NPAS3: variants seen among roughly 807,000 people sequenced by gnomAD.
NPAS3 encodes the protein neuronal PAS domain protein 3.
Under a neutral mutation model 73.1 loss-of-function variants are expected in NPAS3, and 14 were observed. The observed-to-expected ratio is 0.19, with a 90% CI of 0.13 to 0.30. The LOEUF (loss-of-function observed/expected upper bound fraction) is 0.30. Ranked by LOEUF, NPAS3 falls within the 10% of genes least tolerant of loss-of-function variation. The pLI, the probability that NPAS3 is intolerant of heterozygous loss-of-function variation, is 1.00. For synonymous variants in NPAS3, 620 were observed against 541.5 expected (o/e 1.14, Z -2.01); for missense variants, 1,096 against 1,250.0 (o/e 0.88, Z 1.86).
intron 2 of NPAS3, among the ~76,000 whole-genome samples, chr14:33,099,964 A>G (rs932460067): frequency 6.6e-6 from 1 of 152,306 alleles, no homozygotes; most frequent in East Asian, 1.9e-4. Context: ...TAAGTTTTCC[A>G]TTATTTTGTT....
At chr14:33,336,392 A>G (rs74042050) in intron 3 of NPAS3, among the ~76,000 whole-genome samples, 1,835 of 152,300 alleles carry the variant, frequency 0.012, 36 homozygotes, top group African/African-American at 0.042. Flanking sequence ...TTTGTAGGAC[A>G]GAAGTCTCCA....
At chr14:32,936,483 CT>C (rs781078855), upstream of NPAS3, among the ~76,000 whole-genome samples, 3 of 152,018 alleles carry the variant, frequency 2.0e-5, no homozygotes, top group Non-Finnish European at 2.9e-5. Context: ...TAGATTTTTC[CT>C]TTTCATGGTT....
intron 4 of NPAS3, among the ~76,000 whole-genome samples, chr14:33,469,409 A>G (rs532542046): frequency 6.6e-6 from 1 of 152,310 alleles, no homozygotes; most frequent in Non-Finnish European, 1.5e-5. Flanking sequence ...TGAGGCAGGT[A>G]TAATTATATC....
chr14:33,037,666 G>A (rs530822188), intron 1 of NPAS3, among the ~76,000 whole-genome samples: 24 of 151,722 alleles, frequency 1.6e-4, no homozygotes, highest in African/African-American at 3.4e-4. Context: ...ACCCTGTCTC[G>A]AAAAAGAAGA....
At chr14:33,355,818 G>T (rs1290135606) in intron 3 of NPAS3, among the ~76,000 whole-genome samples, 1 of 152,088 alleles carries the variant, frequency 6.6e-6, no homozygotes, top group African/African-American at 2.4e-5. Context: ...ATCTTCCATG[G>T]AATACAGAAA....
At chr14:33,165,913 C>T (rs540727016) in intron 2 of NPAS3, among the ~76,000 whole-genome samples, 1 of 152,224 alleles carries the variant, frequency 6.6e-6, no homozygotes, top group African/African-American at 2.4e-5. Flanking sequence ...TTTGTGTCCC[C>T]CCATCCCCAA....
At chr14:33,126,021 G>A (rs747647545) in intron 2 of NPAS3, among the ~76,000 whole-genome samples, 5 of 152,114 alleles carry the variant, frequency 3.3e-5, no homozygotes, top group Non-Finnish European at 5.9e-5. Flanking sequence ...AAGAAGAGCC[G>A]CCATTTAGCC....
rs890885252 is a variant in NPAS3, at chr14:33,373,540, TATA to T, written c.468+6277_468+6279del. Among the ~76,000 whole-genome samples, 28 of 152,268 alleles carry T rather than the reference TATA, an allele frequency of 1.8e-4. 1 individual carries two copies. Among genetic ancestry groups the T allele is most frequent in the African/African-American group, 6.3e-4 (26 of 41,542 alleles). On this transcript the variant is annotated intron_variant, in intron 4 of 11. Transcript: ENST00000356141. ...AAGTAAGTTTTGTGAGTTGGATAAG[TATA>T]ATAAGTACCAACATGTTTGTACATA... is the stretch of plus-strand genomic sequence containing the variant.
chr14:33,211,651 T>C (rs868222008), intron 2 of NPAS3, among the ~76,000 whole-genome samples: 17 of 152,202 alleles, frequency 1.1e-4, no homozygotes, highest in African/African-American at 3.6e-4. Context: ...CTCCTATCTA[T>C]CTATCTATAT....
Position 33,734,550 on chromosome 14 carries a change from T to C in NPAS3, c.734-664T>C, listed in dbSNP as rs113285182. Among the ~76,000 whole-genome samples, 644 of 152,272 alleles carry C rather than the reference T, an allele frequency of 4.2e-3. 5 individuals carry two copies. The highest frequency in any genetic ancestry group is 0.015 in the African/African-American group (621 of 41,562). The stretch of plus-strand genomic sequence containing the variant: ...AGGTGGAAAAACAGACTGTTTCCTG[T>C]TTGGAGGGTTGGGGTTGAAAGCTGC... On this transcript the variant is annotated intron_variant, in intron 6 of 11. Transcript: ENST00000356141.
intron 2 of NPAS3, among the ~76,000 whole-genome samples, chr14:33,173,407 AG>A (rs2045468039): frequency 6.6e-6 from 1 of 152,220 alleles, no homozygotes; most frequent in African/African-American, 2.4e-5. Context: ...TCAATGGTAT[AG>A]GAACTGTCCT....
chr14:33,341,891 A>C (rs1031905856), intron 3 of NPAS3, among the ~76,000 whole-genome samples: 2 of 152,226 alleles, frequency 1.3e-5, no homozygotes, highest in African/African-American at 4.8e-5. Context: ...AATCATTCTA[A>C]GTAAGGTTCT....
intron 6 of NPAS3, among the ~76,000 whole-genome samples, chr14:33,714,294 T>A (rs1417530926): frequency 3.6e-5 from 5 of 139,080 alleles, no homozygotes; most frequent in Admixed American, 1.7e-4. Context: ...GTAAGCTCTA[T>A]TAGGGAGACA....
In NPAS3 at chr14:33,501,886, G is replaced by A. The variant is rs147511725; in HGVS notation, c.469-58235G>A. Among the ~76,000 whole-genome samples, 15 of 151,974 alleles carry A rather than the reference G, an allele frequency of 9.9e-5. No individual in the cohort carries two copies. The East Asian group carries it at 2.9e-3, about 30-fold the overall frequency. ...ACAAAACAAAGAGATAACTGCGTTG[G>A]GAACTTTCTCTGGAGCACATTTATA... On this transcript the variant is annotated intron_variant, in intron 4 of 11. Coordinates refer to ENST00000356141, the Ensembl canonical transcript of NPAS3.
intron 1 of NPAS3, among the ~76,000 whole-genome samples, chr14:33,031,242 T>C (rs1169530398): frequency 6.6e-6 from 1 of 152,234 alleles, no homozygotes; most frequent in Non-Finnish European, 1.5e-5. Flanking sequence ...TCATGTTCTG[T>C]CACTAAACAT....
chr14:33,554,578 C>T (rs555616111), intron 4 of NPAS3, among the ~76,000 whole-genome samples: 1 of 152,282 alleles, frequency 6.6e-6, no homozygotes, highest in Non-Finnish European at 1.5e-5. Context: ...TTAAAATAAC[C>T]TAGCCTACTG....
At chr14:33,072,046 A>G (rs2041502848) in intron 2 of NPAS3, among the ~76,000 whole-genome samples, 1 of 152,082 alleles carries the variant, frequency 6.6e-6, no homozygotes, top group East Asian at 1.9e-4. Context: ...GTGCACCACC[A>G]CGCCCAGCTA....
intron 4 of NPAS3, among the ~76,000 whole-genome samples, chr14:33,484,908 C>T (rs899038009): frequency 6.6e-6 from 1 of 152,122 alleles, no homozygotes; most frequent in African/African-American, 2.4e-5. Context: ...ATTTCATTTT[C>T]TTGTTCCCCT....
chr14:33,357,501 A>G (rs1175342148), intron 3 of NPAS3, among the ~76,000 whole-genome samples: 1 of 152,228 alleles, frequency 6.6e-6, no homozygotes, highest in East Asian at 1.9e-4. Context: ...GACAACTTAC[A>G]GGGGAAAAAA....
Sources: allele counts gnomAD v4.1 joint callset (sites outside exome capture counted in the v4.1 genomes callset), GRCh38; gene constraint gnomAD v4.1.1; transcripts MANE v1.5; gene names NCBI Gene and HGNC (gene_info 2026-07-23, HGNC 2026-07-21).